CSNK2A2IP: variants seen among roughly 807,000 people sequenced by gnomAD.
CSNK2A2IP encodes the protein casein kinase 2 subunit alpha' interacting protein, also known as casein kinase II subunit alpha'-interacting protein.
chr3:88,355,504 T>A, the CSNK2A2IP span, among the ~76,000 whole-genome samples: 1 of 152,164 alleles, frequency 6.6e-6, no homozygotes, highest in Non-Finnish European at 1.5e-5. Flanking sequence ...TGGGTCTAAA[T>A]GTCTTTGGTC....
the CSNK2A2IP span, among the ~76,000 whole-genome samples, chr3:88,439,011 C>G: frequency 6.6e-6 from 1 of 152,156 alleles, no homozygotes; most frequent in African/African-American, 2.4e-5. Context: ...GCCTTTTTCT[C>G]TAGCCTGATT....
chr3:88,342,845 A>G, the CSNK2A2IP span, among the ~76,000 whole-genome samples: 2 of 152,036 alleles, frequency 1.3e-5, no homozygotes, highest in Admixed American at 6.6e-5. Context: ...AATAATACAC[A>G]TAGCATAGTT....
At chr3:88,420,360 C>A in the CSNK2A2IP span, among the ~76,000 whole-genome samples, 1 of 152,088 alleles carries the variant, frequency 6.6e-6, no homozygotes, top group Non-Finnish European at 1.5e-5. Context: ...GCCAGTAAGA[C>A]TGAATGGCAA....
the CSNK2A2IP span, among the ~76,000 whole-genome samples, chr3:88,442,843 TTTG>T: frequency 2.0e-5 from 3 of 152,088 alleles, no homozygotes; most frequent in African/African-American, 4.8e-5. Context: ...CTTATAGAAT[TTTG>T]TTATGTCCCT....
the CSNK2A2IP span, among the ~76,000 whole-genome samples, chr3:88,348,535 C>A: frequency 6.6e-6 from 1 of 152,008 alleles, no homozygotes; most frequent in Non-Finnish European, 1.5e-5. Flanking sequence ...TATGATAAAT[C>A]TAAATGTCAT....
the CSNK2A2IP span, among the ~76,000 whole-genome samples, chr3:88,339,972 G>A: frequency 6.6e-6 from 1 of 151,886 alleles, no homozygotes; most frequent in Non-Finnish European, 1.5e-5. Context: ...AAATTGTAAA[G>A]CTAATGTTTT....
the CSNK2A2IP span, among the ~76,000 whole-genome samples, chr3:88,452,044 A>C: frequency 6.6e-6 from 1 of 152,096 alleles, no homozygotes; most frequent in Non-Finnish European, 1.5e-5. Context: ...ATATTCTCTA[A>C]AAAGTGGTGA....
At chr3:88,358,089 A>T in the CSNK2A2IP span, among the ~76,000 whole-genome samples, 1 of 152,028 alleles carries the variant, frequency 6.6e-6, no homozygotes, top group Non-Finnish European at 1.5e-5. Context: ...TTTTACTTTA[A>T]TTATAGCTAT....
the CSNK2A2IP span, chr3:88,467,414 T>C: frequency 1.0e-5 from 4 of 398,578 alleles, no homozygotes; most frequent in Non-Finnish European, 1.8e-5. Flanking sequence ...TGGCTTGAGT[T>C]TATATATAGC....
At chr3:88,345,840 C>A in the CSNK2A2IP span, among the ~76,000 whole-genome samples, 1 of 151,898 alleles carries the variant, frequency 6.6e-6, no homozygotes, top group Non-Finnish European at 1.5e-5. Context: ...GCACGTCTCT[C>A]ACTTTAAATA....
At chr3:88,466,551 T>G in the CSNK2A2IP span, 20 of 1,231,772 alleles carry the variant, frequency 1.6e-5, no homozygotes, top group Middle Eastern at 3.1e-4. Flanking sequence ...AAAGCAGCTT[T>G]CAGTTTTCTC....
At chr3:88,447,250 T>C in the CSNK2A2IP span, among the ~76,000 whole-genome samples, 1 of 152,108 alleles carries the variant, frequency 6.6e-6, no homozygotes, top group Non-Finnish European at 1.5e-5. Context: ...TTTCAAGTTA[T>C]GAATATTAAA....
the CSNK2A2IP span, among the ~76,000 whole-genome samples, chr3:88,421,051 C>T: frequency 6.6e-6 from 1 of 152,076 alleles, no homozygotes; most frequent in East Asian, 1.9e-4. Context: ...TTATCATGTC[C>T]TTTCTTCCTC....
the CSNK2A2IP span, among the ~76,000 whole-genome samples, chr3:88,340,091 A>T: frequency 1.3e-5 from 2 of 151,992 alleles, no homozygotes; most frequent in African/African-American, 4.8e-5. Flanking sequence ...ACCAAGAAAG[A>T]GCTTGGGTTT....
chr3:88,408,565 A>G, the CSNK2A2IP span, among the ~76,000 whole-genome samples: 26 of 152,064 alleles, frequency 1.7e-4, no homozygotes, highest in Admixed American at 7.2e-4. Context: ...CAGGCTCTCA[A>G]AACTGTTACT....
chr3:88,394,357 T>G, the CSNK2A2IP span, among the ~76,000 whole-genome samples: 4 of 152,216 alleles, frequency 2.6e-5, no homozygotes, highest in African/African-American at 9.6e-5. Flanking sequence ...CAGTTTTAAT[T>G]TGCATTTCTT....
the CSNK2A2IP span, among the ~76,000 whole-genome samples, chr3:88,416,115 A>G: frequency 1.3e-5 from 2 of 151,772 alleles, no homozygotes; most frequent in Non-Finnish European, 1.5e-5. Context: ...TACTAAAAAT[A>G]GAAAAATTAG....
the CSNK2A2IP span, among the ~76,000 whole-genome samples, chr3:88,446,042 CTT>C: frequency 0.22 from 8,682 of 40,066 alleles, 824 homozygotes; most frequent in Middle Eastern, 0.26. Flanking sequence ...TTCTTTCTTT[CTT>C]TCTTTCTTTC....
At chr3:88,434,004 T>A in the CSNK2A2IP span, among the ~76,000 whole-genome samples, 1 of 152,168 alleles carries the variant, frequency 6.6e-6, no homozygotes, top group Non-Finnish European at 1.5e-5. Context: ...TATTTTTGAG[T>A]CATTTTTGAG....
Sources: gnomAD v4.1 joint callset for allele counts (sites outside exome capture counted in the v4.1 genomes callset) on GRCh38, gnomAD v4.1.1 for gene constraint, MANE v1.5 for transcripts, NCBI Gene and HGNC (gene_info 2026-07-23, HGNC 2026-07-21) for gene names.